Variants in PALM2AKAP2 observed in about 807,000 individuals in gnomAD.
PALM2AKAP2 encodes PALM2 and AKAP2 fusion, also known as PALM2-AKAP2 fusion protein.
A neutral mutation model predicts 71.5 loss-of-function variants in PALM2AKAP2; 37 were observed. The observed-to-expected ratio is 0.52, with a 90% CI of 0.40 to 0.68. PALM2AKAP2 has a LOEUF of 0.68. PALM2AKAP2 is among the 30% of genes least tolerant of loss of function. The probability of loss-of-function intolerance (pLI) is 0.00; values close to 1 mark genes in which losing one functional copy is unlikely to be tolerated. For missense variants in PALM2AKAP2, 1,224 were observed against 1,191.8 expected (o/e 1.03, Z -0.40); for synonymous variants, 468 against 478.8 (o/e 0.98, Z 0.29).
intron 1 of PALM2AKAP2, among the ~76,000 whole-genome samples, chr9:109,846,060 G>A (rs1457227431): frequency 3.3e-5 from 5 of 152,222 alleles, no homozygotes; most frequent in Non-Finnish European, 7.3e-5. Flanking sequence ...GGGGGGCAGT[G>A]TGATTCCTTT....
Position 110,115,099 on chromosome 9 carries a change from C to T in PALM2AKAP2, c.157-21028C>T, listed in dbSNP as rs530027929. On this transcript the variant is annotated intron_variant, in intron 1 of 3. Transcript: ENST00000374525. ...GAGGTTCCTTCCTGGCATTCAGAGC[C>T]GTAAAAGCAGTGGACGGAAACAGCT... Among the ~76,000 whole-genome samples, 21 of 152,310 alleles carry T rather than the reference C, an allele frequency of 1.4e-4. 1 individual carries two copies. Among genetic ancestry groups the T allele is most frequent in the African/African-American group, 3.6e-4 (15 of 41,568 alleles).
At position 109,850,522 on chromosome 9, in the gene PALM2AKAP2, G is replaced by A. The variant is rs546079828; in HGVS notation, c.46-16969G>A. ...TAATCCTAAGAGAAGGGGCCTGAAAGGAAGGGAAGAGAAATCAGATGTCAG... is the reference window on the plus strand; with the variant it reads ...TAATCCTAAGAGAAGGGGCCTGAAAAGAAGGGAAGAGAAATCAGATGTCAG... On this transcript the variant is annotated intron_variant, in intron 1 of 9. Coordinates refer to the PALM2AKAP2 transcript ENST00000302798. Among the ~76,000 whole-genome samples, 59 of 152,198 alleles carry A rather than the reference G, an allele frequency of 3.9e-4. 1 individual carries two copies. The highest frequency in any genetic ancestry group is 1.3e-3 in the African/African-American group (55 of 41,530).
chr9:109,661,219 T>C (rs1286216129), intron 1 of PALM2AKAP2, among the ~76,000 whole-genome samples: 2 of 152,232 alleles, frequency 1.3e-5, no homozygotes, highest in African/African-American at 2.4e-5. Context: ...TTTGGTGCTT[T>C]AGACATGAAG....
At chr9:109,880,624 G>A in exon 3 of PALM2AKAP2, 1 of 1,614,032 alleles carries the variant, frequency 6.2e-7, no homozygotes, top group African/African-American at 1.3e-5. Flanking sequence ...GAAGCCAGGA[G>A]GCGGCAGTCT....
intron 1 of PALM2AKAP2, among the ~76,000 whole-genome samples, chr9:109,685,599 A>G (rs964176132): frequency 3.9e-5 from 6 of 152,126 alleles, no homozygotes; most frequent in African/African-American, 1.4e-4. Flanking sequence ...ATTTACACAC[A>G]TATATATACC....
At chr9:109,697,538 T>G (rs943092352) in intron 1 of PALM2AKAP2, among the ~76,000 whole-genome samples, 1 of 152,196 alleles carries the variant, frequency 6.6e-6, no homozygotes, top group African/African-American at 2.4e-5. Flanking sequence ...TTCAAATAGC[T>G]TCAGTGTTTT....
chr9:109,904,704 G>A (rs1324275460), intron 3 of PALM2AKAP2, among the ~76,000 whole-genome samples: 1 of 152,176 alleles, frequency 6.6e-6, no homozygotes, highest in Non-Finnish European at 1.5e-5. Flanking sequence ...AGAGGTGGCC[G>A]GTGCTGATTT....
intron 3 of PALM2AKAP2, among the ~76,000 whole-genome samples, chr9:109,917,087 A>T (rs1830711179): frequency 6.6e-6 from 1 of 152,202 alleles, no homozygotes; most frequent in South Asian, 2.1e-4. Flanking sequence ...AGATCCTTAA[A>T]TGTGGAAGAG....
At chr9:109,990,067 CTTTTTT>C (rs35739397) in intron 6 of PALM2AKAP2, among the ~76,000 whole-genome samples, 216 of 134,122 alleles carry the variant, frequency 1.6e-3, no homozygotes, top group African/African-American at 5.5e-3. Context: ...TTCTTTCTTT[CTTTTTT>C]TTTTTTTTTT....
At chr9:109,832,908 T>C (rs1464707465) in intron 1 of PALM2AKAP2, among the ~76,000 whole-genome samples, 1 of 152,194 alleles carries the variant, frequency 6.6e-6, no homozygotes, top group Non-Finnish European at 1.5e-5. Context: ...TGCCAATGGT[T>C]GCACTTGGAC....
chr9:109,992,948 T>G (rs967176962), intron 6 of PALM2AKAP2, among the ~76,000 whole-genome samples: 2 of 141,884 alleles, frequency 1.4e-5, no homozygotes, highest in Admixed American at 7.4e-5. Context: ...TGTATATATA[T>G]ATATATAGAG....
At chr9:109,985,896 C>A (rs12685697) in intron 6 of PALM2AKAP2, among the ~76,000 whole-genome samples, 19,040 of 152,040 alleles carry the variant, frequency 0.13, 1,548 homozygotes, top group East Asian at 0.25. Context: ...ATGATCCCCC[C>A]ACCTTGGCCT....
intron 6 of PALM2AKAP2, among the ~76,000 whole-genome samples, chr9:110,000,944 T>C (rs1832671161): frequency 6.6e-6 from 1 of 152,206 alleles, no homozygotes; most frequent in South Asian, 2.1e-4. Flanking sequence ...TTGCAAAAAT[T>C]TTCTCCCATT....
At chr9:110,050,463 A>G (rs1833687054) in intron 1 of PALM2AKAP2, among the ~76,000 whole-genome samples, 1 of 152,196 alleles carries the variant, frequency 6.6e-6, no homozygotes, top group Non-Finnish European at 1.5e-5. Flanking sequence ...ATACAATTTC[A>G]TAATAATATG....
chr9:109,987,950 T>C (rs1469082815), intron 6 of PALM2AKAP2, among the ~76,000 whole-genome samples: 1 of 152,242 alleles, frequency 6.6e-6, no homozygotes, highest in East Asian at 1.9e-4. Context: ...TCATTGTTCA[T>C]TCAACATTTC....
intron 3 of PALM2AKAP2, among the ~76,000 whole-genome samples, chr9:109,907,599 G>C (rs1830477949): frequency 6.6e-6 from 1 of 152,210 alleles, no homozygotes; most frequent in African/African-American, 2.4e-5. Context: ...GAACATGACA[G>C]AGAACAATAG....
intron 1 of PALM2AKAP2, among the ~76,000 whole-genome samples, chr9:109,713,487 C>T (rs1828270889): frequency 6.6e-6 from 1 of 152,082 alleles, no homozygotes; most frequent in African/African-American, 2.4e-5. Flanking sequence ...TCAGGGAATA[C>T]TATTTTTCTA....
At chr9:109,741,962 A>C (rs1375846661) in intron 1 of PALM2AKAP2, among the ~76,000 whole-genome samples, 1 of 152,186 alleles carries the variant, frequency 6.6e-6, no homozygotes, top group East Asian at 1.9e-4. Flanking sequence ...TGTCTTGCAT[A>C]ATAGTGGTCT....
At chr9:109,862,917 G>T (rs752967082) in intron 1 of PALM2AKAP2, 2 of 515,032 alleles carry the variant, frequency 3.9e-6, no homozygotes, top group Middle Eastern at 3.2e-4. Context: ...ACTGCAAGTA[G>T]TCTTTGAGGT....
Sources: allele counts gnomAD v4.1 joint callset (sites outside exome capture counted in the v4.1 genomes callset), GRCh38; gene constraint gnomAD v4.1.1; transcripts MANE v1.5; gene names NCBI Gene and HGNC (gene_info 2026-07-23, HGNC 2026-07-21).